Variants in UBE4B observed in about 807,000 individuals in gnomAD.
The protein encoded by UBE4B is ubiquitination factor E4B.
Under a neutral mutation model 148.1 loss-of-function variants are expected in UBE4B, and 27 were observed. That is an observed-to-expected ratio of 0.18 (90% CI 0.13 to 0.25). The LOEUF is 0.25. UBE4B is among the 10% of genes least tolerant of loss of function. The pLI is 1.00. For missense variants in UBE4B, 1,170 were observed against 1,662.4 expected, an observed-to-expected ratio of 0.70 and a Z score of 5.15; for synonymous variants, 596 against 619.3, an observed-to-expected ratio of 0.96 and a Z score of 0.56.
rs748333178 is a variant in UBE4B at position 10,106,371 on chromosome 1, G to A, written c.984G>A (p.Pro328=). 10 of 1,613,618 alleles carry A rather than the reference G, an allele frequency of 6.2e-6. No individual in the cohort carries two copies. Among genetic ancestry groups the A allele is most frequent in the South Asian group, 5.5e-5 (5 of 91,064 alleles). Residue 328 remains proline (P), a synonymous_variant, in exon 7 of 28, where the codon CCG becomes CCA. Transcript: ENST00000343090. This position sits in a 1 kb window ranked among gnomAD's most constrained non-coding sequence, Gnocchi z 4.2. ...CTGCGGGAAGCCAGCCTTCATCCCC[G>A]CGGTATCGCCCCTACACTGTCACTC... ...GTAAGSQPSS[P]RYRPYTVTHP...
intron 2 of UBE4B, among the ~76,000 whole-genome samples, chr1:10,087,634 C>T (rs752178323): frequency 3.9e-5 from 6 of 152,214 alleles, no homozygotes; most frequent in Admixed American, 1.3e-4. Context: ...TTATGTCACA[C>T]AGGTGAAGTG....
chr1:10,056,777 A>G (rs1644179619), intron 1 of UBE4B, among the ~76,000 whole-genome samples: 1 of 152,226 alleles, frequency 6.6e-6, no homozygotes, highest in Non-Finnish European at 1.5e-5. Context: ...GTAGCACTTC[A>G]CTCACCCATT....
intron 23 of UBE4B, among the ~76,000 whole-genome samples, chr1:10,167,487 GTTA>G (rs1479901483): frequency 6.8e-6 from 1 of 146,098 alleles, no homozygotes; most frequent in African/African-American, 2.6e-5. Flanking sequence ...CTAAGTAAAA[GTTA>G]TTATTAAGGG....
In UBE4B at chr1:10,129,429, C is replaced by T. The variant is rs1645554541; in HGVS notation, c.1676C>T (p.Thr559Ile). ...GELCETKFGKTHPVCNLVASL... is the reference protein window; with the variant it reads ...GELCETKFGKIHPVCNLVASL... ...CTCTGTGAAACCAAGTTTGGGAAGA[C>T]ACACCCTGTGTGCAATTTGGTAAGC... The change falls in exon 12 of 28, where the codon ACA becomes ATA. Residue 559 changes from threonine (T) to isoleucine (I), a missense_variant. Physicochemically the swap from Thr to Ile is moderately conservative, Grantham distance 89. Around this residue, in one of 6 missense-constraint regions of UBE4B, gnomAD observed 388 missense variants for 536.0 expected, o/e 0.72. Coordinates refer to ENST00000343090, the MANE Select transcript of UBE4B (RefSeq NM_001105562.3). 1 of 1,612,224 alleles carries T rather than the reference C, an allele frequency of 6.2e-7. No individual in the cohort carries two copies. The highest frequency in any genetic ancestry group is 1.3e-5 in the African/African-American group (1 of 74,896).
At chr1:10,094,648 A>T (rs546967922) in intron 2 of UBE4B, among the ~76,000 whole-genome samples, 1 of 151,662 alleles carries the variant, frequency 6.6e-6, no homozygotes, top group South Asian at 2.1e-4. Flanking sequence ...GTTAGCCAGG[A>T]TGGTCTCAAT....
At chr1:10,103,399 CTT>C (rs1645048174) in intron 5 of UBE4B, among the ~76,000 whole-genome samples, 1 of 135,532 alleles carries the variant, frequency 7.4e-6, no homozygotes, top group Non-Finnish European at 1.6e-5. Flanking sequence ...ATTACCTCCT[CTT>C]TATTTATTTA....
chr1:10,096,105 T>C (rs997716665), intron 3 of UBE4B, among the ~76,000 whole-genome samples: 5 of 152,166 alleles, frequency 3.3e-5, no homozygotes, highest in African/African-American at 1.2e-4. Context: ...TTTTATGAAA[T>C]AATGGTGTAG....
At chr1:10,174,292 C>T (rs1450334178) in intron 25 of UBE4B, among the ~76,000 whole-genome samples, 2 of 151,104 alleles carry the variant, frequency 1.3e-5, no homozygotes, top group Non-Finnish European at 2.9e-5. Flanking sequence ...TACTCGGAGG[C>T]TGAGGCAGGA....
At chr1:10,100,151 G>A (rs1053349236) in intron 3 of UBE4B, among the ~76,000 whole-genome samples, 5 of 151,886 alleles carry the variant, frequency 3.3e-5, no homozygotes, top group African/African-American at 7.3e-5. Context: ...CACCATGCCC[G>A]GCTAATTTTT....
chr1:10,037,089 G>A (rs954342697), intron 1 of UBE4B, among the ~76,000 whole-genome samples: 1 of 152,030 alleles, frequency 6.6e-6, no homozygotes, highest in Non-Finnish European at 1.5e-5. Context: ...GTGCAATGGC[G>A]CGATCTTGGC....
chr1:10,077,068 A>G (rs1644596448), intron 2 of UBE4B, among the ~76,000 whole-genome samples: 1 of 152,054 alleles, frequency 6.6e-6, no homozygotes, highest in Admixed American at 6.6e-5. Flanking sequence ...TTGCAGTGCC[A>G]TCTGCTTCTG....
intron 15 of UBE4B, among the ~76,000 whole-genome samples, chr1:10,134,691 C>A (rs929943209): frequency 2.0e-5 from 3 of 152,096 alleles, no homozygotes; most frequent in African/African-American, 7.2e-5. Context: ...AAAGTTCAGT[C>A]TGCTTTCTTA....
chr1:10,153,574 A>G (rs1470325099), intron 21 of UBE4B, among the ~76,000 whole-genome samples: 1 of 150,932 alleles, frequency 6.6e-6, no homozygotes, highest in African/African-American at 2.4e-5. Flanking sequence ...TAATCCCAGC[A>G]CTTTGGGAGG....
chr1:10,165,943 G>A (rs1040529106), intron 23 of UBE4B, among the ~76,000 whole-genome samples: 3 of 152,158 alleles, frequency 2.0e-5, no homozygotes, highest in Admixed American at 2.0e-4. Flanking sequence ...AGTGCCCAAA[G>A]GCTGTAGAAG....
intron 19 of UBE4B, among the ~76,000 whole-genome samples, chr1:10,148,631 C>CAA (rs565261261): frequency 8.0e-5 from 7 of 87,302 alleles, no homozygotes; most frequent in African/African-American, 1.7e-4. Flanking sequence ...GACTCTGTCT[C>CAA]AAAAAAAAAA....
In UBE4B at chr1:10,159,558, G is replaced by A. The variant is rs192322708; in HGVS notation, c.3053+1076G>A. 4.3e-3 allele frequency among the ~76,000 whole-genome samples: 658 copies of A among 152,236 alleles called. 3 individuals carry two copies. Among genetic ancestry groups the A allele is most frequent in the Non-Finnish European group, 7.9e-3 (534 of 68,012 alleles). ...CATGGTGGTGGGCGCGGTGGCGGGC[G>A]CCTGTAGTCCCAGCTACTCAGGAGG... On this transcript the variant is annotated intron_variant, in intron 22 of 27. Coordinates refer to ENST00000343090, the MANE Select transcript of UBE4B (RefSeq NM_001105562.3).
intron 1 of UBE4B, among the ~76,000 whole-genome samples, chr1:10,048,195 A>T (rs1266449608): frequency 6.6e-6 from 1 of 152,198 alleles, no homozygotes; most frequent in Non-Finnish European, 1.5e-5. Flanking sequence ...CAGGGATACC[A>T]GGAATTTTGG....
At chr1:10,114,209 G>A (rs1423594528) in intron 7 of UBE4B, among the ~76,000 whole-genome samples, 2 of 151,930 alleles carry the variant, frequency 1.3e-5, no homozygotes, top group African/African-American at 2.4e-5. Flanking sequence ...ATTGTCATCT[G>A]CAAGAGCTGT....
chr1:10,119,525 C>T lies in UBE4B; in HGVS notation c.1351C>T (p.Pro451Ser). 4 of 1,613,494 alleles carry T rather than the reference C, an allele frequency of 2.5e-6. No homozygotes were observed. Among genetic ancestry groups the T allele is most frequent in the Non-Finnish European group, 3.4e-6 (4 of 1,179,554 alleles). ...CTTTCCTTTTCAGATGTGCAGCCAG[C>T]CAGCAGTCAGCCAGCTTCTGAGCAA... Reference protein sequence around the residue: ...EKKAPKMCSQPAVSQLLSNIR... With the variant: ...EKKAPKMCSQSAVSQLLSNIR... The change falls in exon 9 of 28, where the codon CCA becomes TCA. Residue 451 changes from proline to serine, a missense_variant. Pro to Ser is a moderately conservative substitution (Grantham distance 74). Around this residue, in one of 6 missense-constraint regions of UBE4B, gnomAD observed 388 missense variants for 536.0 expected, o/e 0.72. Transcript: ENST00000343090.
Sources: allele counts gnomAD v4.1 joint callset (sites outside exome capture counted in the v4.1 genomes callset), GRCh38; gene constraint gnomAD v4.1.1; regional missense constraint gnomAD v4.1.1; non-coding constraint Gnocchi (gnomAD v3.1); transcripts MANE v1.5; gene names NCBI Gene and HGNC (gene_info 2026-07-23, HGNC 2026-07-21).